The following SUMF1 variants were observed in gnomAD, a reference collection of about 807,000 sequenced individuals.
SUMF1 encodes the protein formylglycine-generating enzyme.
In SUMF1, 48 loss-of-function variants were observed where a neutral mutation model predicts 47.6. The ratio of observed to expected loss-of-function variants is 1.01; its 90% confidence interval spans 0.80 to 1.28. The LOEUF (loss-of-function observed/expected upper bound fraction) is 1.28. Ranked by LOEUF, SUMF1 falls within the 50% of genes most tolerant of loss-of-function variation. SUMF1 has a pLI of 0.00. For missense variants in SUMF1, 571 were observed against 485.4 expected, an observed-to-expected ratio of 1.18 and a Z score of -1.66; for synonymous variants, 230 against 192.1, an observed-to-expected ratio of 1.20 and a Z score of -1.63.
In SUMF1 at chr3:4,071,470, G is replaced by C. The variant is rs115664136; in HGVS notation, c.1015-2725C>G. On this transcript the variant is annotated intron_variant and NMD_transcript_variant, in intron 8 of 12. Transcript: ENST00000448413. ...ATACTGCACCTTTCCCATGGTCTTT[G>C]CAACCAGCAGACCAGGAGATTCCCT... is the stretch of plus-strand genomic sequence containing the variant. Among the ~76,000 whole-genome samples the C allele has an allele frequency of 2.5e-3, 388 of 152,294 alleles. 4 individuals carry two copies. Among genetic ancestry groups the C allele is most frequent in the African/African-American group, 8.8e-3 (365 of 41,556 alleles).
intron 3 of SUMF1, among the ~76,000 whole-genome samples, chr3:4,437,847 G>A (rs1702451208): frequency 6.6e-6 from 1 of 152,116 alleles, no homozygotes; most frequent in South Asian, 2.1e-4. Context: ...ACTGAGGCAG[G>A]AGAATCTCTT....
chr3:4,361,347 C>T lies in SUMF1; in HGVS notation c.*797G>A, dbSNP rs1699749911. On this transcript the variant is annotated 3_prime_UTR_variant, in exon 9 of 9. Coordinates refer to ENST00000272902, the MANE Select transcript of SUMF1 (RefSeq NM_182760.4). ...GCGCACATTTCACGTTCGCTGAAGG[C>T]TTTGGGGAGAGGGGGAAACAGAGCT... is the stretch of plus-strand genomic sequence containing the variant. 1 of 152,598 alleles carries T rather than the reference C, an allele frequency of 6.6e-6. No homozygotes were observed. The highest frequency in any genetic ancestry group is 2.4e-5 in the African/African-American group (1 of 41,432). 9.5% of individuals were successfully genotyped at this position (152,598 alleles called of 1,614,324 possible).
At chr3:4,297,515 C>T (rs1230066869) in intron 8 of SUMF1, among the ~76,000 whole-genome samples, 3 of 151,800 alleles carry the variant, frequency 2.0e-5, no homozygotes, top group Non-Finnish European at 2.9e-5. Flanking sequence ...TCAAGCAATC[C>T]TCCCACCTCA....
intron 3 of SUMF1, among the ~76,000 whole-genome samples, chr3:4,427,317 G>A (rs1702100165): frequency 6.6e-6 from 1 of 152,020 alleles, no homozygotes; most frequent in African/African-American, 2.4e-5. Flanking sequence ...AAACAACCCG[G>A]GAGAATTTTT....
chr3:4,397,647 C>T (rs1701080100), intron 7 of SUMF1, among the ~76,000 whole-genome samples: 1 of 152,106 alleles, frequency 6.6e-6, no homozygotes, highest in Admixed American at 6.5e-5. Flanking sequence ...GTGCCCAATT[C>T]TGTATGTTCT....
chr3:4,040,198 T>C lies in SUMF1; in HGVS notation c.1191+28371A>G, dbSNP rs141044182. 8.1e-4 allele frequency among the ~76,000 whole-genome samples: 123 copies of C among 152,258 alleles called. 2 individuals carry two copies. Among genetic ancestry groups the C allele is most frequent in the African/African-American group, 2.7e-3 (113 of 41,550 alleles). ...CATCATTTTGTACTCCTTAAATATA[T>C]ACAATTTTAATTTGTCAATTATACT... On this transcript the variant is annotated intron_variant and NMD_transcript_variant, in intron 9 of 12. Coordinates refer to the SUMF1 transcript ENST00000448413.
chr3:4,212,389 T>A (rs1218056964), intron 8 of SUMF1, among the ~76,000 whole-genome samples: 2 of 151,510 alleles, frequency 1.3e-5, no homozygotes, highest in Non-Finnish European at 3.0e-5. Flanking sequence ...GCACGTCCAC[T>A]CAAAGACCCT....
chr3:4,253,797 C>T (rs1377956968), intron 8 of SUMF1, among the ~76,000 whole-genome samples: 1 of 146,922 alleles, frequency 6.8e-6, no homozygotes, highest in Admixed American at 6.7e-5. Flanking sequence ...GTAGGCTCCA[C>T]CTCTGGGGGG....
At chr3:4,411,622 C>T (rs765698685) in intron 6 of SUMF1, among the ~76,000 whole-genome samples, 144 of 149,802 alleles carry the variant, frequency 9.6e-4, no homozygotes, top group Non-Finnish European at 1.6e-3. Context: ...ATTTCAAAGG[C>T]AGGTCAGACA....
At chr3:4,076,247 C>G (rs1692429836) in intron 8 of SUMF1, among the ~76,000 whole-genome samples, 1 of 152,108 alleles carries the variant, frequency 6.6e-6, no homozygotes, top group African/African-American at 2.4e-5. Context: ...GGAAAGGATT[C>G]CCTATTTAAT....
chr3:4,113,747 C>G (rs1458820609), intron 8 of SUMF1, among the ~76,000 whole-genome samples: 1 of 151,918 alleles, frequency 6.6e-6, no homozygotes, highest in South Asian at 2.1e-4. Context: ...GGCACAATTA[C>G]GATGTACCAC....
chr3:4,303,907 G>C, intron 8 of SUMF1: 1 of 1,223,786 alleles, frequency 8.2e-7, no homozygotes, highest in Non-Finnish European at 1.1e-6. Context: ...GATCGCAGCC[G>C]GTGTCGTGCA....
At chr3:4,329,714 T>C (rs1488057771) in intron 8 of SUMF1, among the ~76,000 whole-genome samples, 1 of 152,170 alleles carries the variant, frequency 6.6e-6, no homozygotes, top group Non-Finnish European at 1.5e-5. Context: ...ACTTGGCTCC[T>C]CATTACTTAT....
At chr3:4,423,206 A>G (rs1174518065) in intron 3 of SUMF1, among the ~76,000 whole-genome samples, 1 of 152,142 alleles carries the variant, frequency 6.6e-6, no homozygotes, top group Non-Finnish European at 1.5e-5. Context: ...TTATAGCAGC[A>G]TAATTCACAA....
chr3:4,252,036 T>G (rs1036795259), intron 8 of SUMF1, among the ~76,000 whole-genome samples: 1 of 152,232 alleles, frequency 6.6e-6, no homozygotes, highest in Admixed American at 6.5e-5. Context: ...AAACCAAACC[T>G]GCAATATCTG....
At chr3:4,215,713 A>G (rs1443027653) in intron 8 of SUMF1, among the ~76,000 whole-genome samples, 1 of 152,198 alleles carries the variant, frequency 6.6e-6, no homozygotes, top group Non-Finnish European at 1.5e-5. Flanking sequence ...ATACAAAATC[A>G]ATGTGCAAAA....
chr3:4,326,154 C>A (rs568118918), intron 8 of SUMF1, among the ~76,000 whole-genome samples: 2 of 152,244 alleles, frequency 1.3e-5, no homozygotes, highest in East Asian at 3.9e-4. Flanking sequence ...TCTCTCAATC[C>A]TTTATTTTTA....
chr3:4,287,047 A>G (rs1697646587), intron 8 of SUMF1, among the ~76,000 whole-genome samples: 1 of 152,176 alleles, frequency 6.6e-6, no homozygotes, highest in Non-Finnish European at 1.5e-5. Context: ...TGTAACTGTC[A>G]TTCTCTCACA....
intron 8 of SUMF1, among the ~76,000 whole-genome samples, chr3:4,283,639 A>T (rs73806978): frequency 6.6e-6 from 1 of 152,154 alleles, no homozygotes; most frequent in Non-Finnish European, 1.5e-5. Flanking sequence ...TAATAAAGGA[A>T]AAAAGCATAA....
Sources: gnomAD v4.1 joint callset for allele counts (sites outside exome capture counted in the v4.1 genomes callset) on GRCh38, gnomAD v4.1.1 for gene constraint, MANE v1.5 for transcripts, NCBI Gene and HGNC (gene_info 2026-07-23, HGNC 2026-07-21) for gene names.